NF1: variants seen among roughly 807,000 people sequenced by gnomAD.
NF1 encodes neurofibromin 1.
A neutral mutation model predicts 325.7 loss-of-function variants in NF1; 122 were observed. The ratio of observed to expected loss-of-function variants is 0.37; its 90% CI spans 0.32 to 0.44. The LOEUF is 0.44. NF1 is among the 20% of genes least tolerant of loss of function. The pLI is 1.00. For synonymous variants in NF1, 1,091 were observed against 1,186.0 expected (o/e 0.92, Z 1.65); for missense variants, 2,140 against 3,415.4 (o/e 0.63, Z 9.31).
chr17:31,160,400 T>A (rs1050573044), intron 3 of NF1, among the ~76,000 whole-genome samples: 1 of 152,170 alleles, frequency 6.6e-6, no homozygotes, highest in African/African-American at 2.4e-5. Context: ...AGCATAATAT[T>A]TTAAATTTTC....
chr17:31,111,121 C>T (rs1198995977), intron 1 of NF1, among the ~76,000 whole-genome samples: 5 of 151,528 alleles, frequency 3.3e-5, no homozygotes, highest in Non-Finnish European at 7.4e-5. Context: ...ATTAATTATT[C>T]ATTGTACCGG....
At chr17:31,216,019 T>C (rs2066814248) in intron 13 of NF1, among the ~76,000 whole-genome samples, 1 of 152,172 alleles carries the variant, frequency 6.6e-6, no homozygotes, top group South Asian at 2.1e-4. Context: ...GAAAAACCCA[T>C]TCAAGTTTGA....
intron 36 of NF1, chr17:31,305,076 A>C (rs1406748436): frequency 6.2e-7 from 1 of 1,614,004 alleles, no homozygotes; most frequent in Non-Finnish European, 8.5e-7. Context: ...GTGTACTCCT[A>C]GGTGAATTTT....
intron 57 of NF1, 122 bp downstream of exon 57, chr17:31,360,825 T>C: frequency 1.2e-6 from 1 of 841,698 alleles, no homozygotes; most frequent in East Asian, 2.4e-5. Context: ...CACCTTACAT[T>C]TCTTCTTTAC....
intron 36 of NF1, among the ~76,000 whole-genome samples, chr17:31,312,646 A>C (rs558351103): frequency 6.6e-6 from 1 of 152,170 alleles, no homozygotes; most frequent in Non-Finnish European, 1.5e-5. Context: ...TTTATGCATA[A>C]TGAAATAAAC....
intron 1 of NF1, among the ~76,000 whole-genome samples, chr17:31,113,139 T>C (rs887649058): frequency 6.6e-6 from 1 of 152,242 alleles, no homozygotes; most frequent in South Asian, 2.1e-4. Flanking sequence ...GAGATTCTGC[T>C]GAGTCCATGG....
At chr17:31,215,102 G>C (rs980482541) in intron 13 of NF1, among the ~76,000 whole-genome samples, 1 of 152,144 alleles carries the variant, frequency 6.6e-6, no homozygotes, top group Non-Finnish European at 1.5e-5. Context: ...GTTAGTACTT[G>C]AGTTAGTGTG....
intron 36 of NF1, among the ~76,000 whole-genome samples, chr17:31,273,052 T>C (rs999217231): frequency 6.6e-6 from 1 of 152,234 alleles, no homozygotes; most frequent in East Asian, 1.9e-4. Context: ...ACTCTAGACA[T>C]TCAATGCAAT....
intron 8 of NF1, among the ~76,000 whole-genome samples, chr17:31,198,805 A>T (rs1022186359): frequency 5.3e-5 from 8 of 151,798 alleles, no homozygotes; most frequent in African/African-American, 1.9e-4. Context: ...TACAGTAGAG[A>T]TGGGGGTTTT....
intron 36 of NF1, chr17:31,295,313 G>T: frequency 2.5e-6 from 4 of 1,614,140 alleles, no homozygotes; most frequent in Non-Finnish European, 1.7e-6. Flanking sequence ...GATAGTCTCT[G>T]TGGATGTATC....
At chr17:31,146,482 T>C (rs753157807) in intron 1 of NF1, among the ~76,000 whole-genome samples, 7 of 152,098 alleles carry the variant, frequency 4.6e-5, no homozygotes, top group African/African-American at 7.2e-5. Flanking sequence ...CTCTGAGATA[T>C]ATAAGTGTAA....
rs142431516 is a variant in NF1, at chr17:31,304,532, T to C, written c.4836-21288T>C. On this transcript the variant is annotated intron_variant, in intron 36 of 57. Coordinates refer to ENST00000358273, the MANE Select transcript of NF1 (RefSeq NM_001042492.3). ...TTTGGAAGAGGAGATACAATTGTCA[T>C]TGTGGGTTTGTCAGATTGGTTACTT... 3.0e-4 allele frequency: 484 copies of C among 1,614,038 alleles called. No individual in the cohort carries two copies. The highest frequency in any genetic ancestry group is 3.8e-4 in the Non-Finnish European group (453 of 1,180,022).
At chr17:31,249,183 A>C (rs1416585054) in intron 30 of NF1, 64 bp downstream of exon 30, 1 of 1,558,682 alleles carries the variant, frequency 6.4e-7, no homozygotes, top group East Asian at 2.2e-5. Flanking sequence ...ATGCTTTATC[A>C]AAGAAGGATC....
Position 31,356,819 on chromosome 17 carries a change from A to G in NF1, c.7739-141A>G, listed in dbSNP as rs1018744561. On this transcript the variant is annotated intron_variant, in intron 52 of 57. Coordinates refer to ENST00000358273, the MANE Select transcript of NF1 (RefSeq NM_001042492.3). ...GTAGCCAAAACTTTTGTGTAGGCGA[A>G]TAGTAATTCTCTATGATGTTTATGT... 27 of 1,326,922 alleles carry G rather than the reference A, an allele frequency of 2.0e-5. No individual in the cohort carries two copies. Among genetic ancestry groups the G allele is most frequent in the South Asian group, 1.3e-5 (1 of 78,376 alleles). The allele number at this position is 1,326,922 out of a possible 1,614,324, so 82.2% of individuals were successfully genotyped here.
rs765010702 is a variant in NF1, at chr17:31,337,826, TGA to T, written c.6655_6656del (p.Asp2219TyrfsTer22). 1 of 1,613,638 alleles carries T rather than the reference TGA, an allele frequency of 6.2e-7. No individual in the cohort carries two copies. Among genetic ancestry groups the T allele is most frequent in the Non-Finnish European group, 8.5e-7 (1 of 1,179,612 alleles). On this transcript the variant is annotated frameshift_variant, in exon 44 of 58. Coordinates refer to ENST00000358273, the MANE Select transcript of NF1 (RefSeq NM_001042492.3). LOFTEE classifies it high-confidence loss of function. Reference sequence around the variant, plus strand: ...GAGTATCCCCTTTTTTAGGCATGCATGAGAGATATTCCAACGTGCAAGTGGCT... The same window carrying T: ...GAGTATCCCCTTTTTTAGGCATGCATGAGATATTCCAACGTGCAAGTGGCT...
chr17:31,208,744 A>T (rs1428220739), intron 12 of NF1, among the ~76,000 whole-genome samples: 1 of 152,242 alleles, frequency 6.6e-6, no homozygotes, highest in Middle Eastern at 3.4e-3. Context: ...TACAAAAATT[A>T]GCCAGGCGTG....
intron 14 of NF1, among the ~76,000 whole-genome samples, chr17:31,221,349 A>G (rs892234703): frequency 6.6e-5 from 10 of 152,096 alleles, no homozygotes; most frequent in African/African-American, 2.4e-4. Context: ...TACTGAATCC[A>G]TTTTGCTTCC....
chr17:31,108,542 C>G (rs1244053518), intron 1 of NF1, among the ~76,000 whole-genome samples: 2 of 152,100 alleles, frequency 1.3e-5, no homozygotes, highest in Non-Finnish European at 2.9e-5. Context: ...TCCCAAAGTG[C>G]TGGGATTACA....
At chr17:31,141,581 A>C (rs1444041728) in intron 1 of NF1, among the ~76,000 whole-genome samples, 1 of 152,094 alleles carries the variant, frequency 6.6e-6, no homozygotes, top group African/African-American at 2.4e-5. Flanking sequence ...ACTTTTCAGC[A>C]CTTAGACTCA....
Sources: allele counts gnomAD v4.1 joint callset (sites outside exome capture counted in the v4.1 genomes callset), GRCh38; gene constraint gnomAD v4.1.1; transcripts MANE v1.5; gene names NCBI Gene and HGNC (gene_info 2026-07-23, HGNC 2026-07-21).